PHACTR4: variants seen among roughly 807,000 people sequenced by gnomAD.
The protein encoded by PHACTR4 is protein phosphatase 1, regulatory subunit 124.
PHACTR4 carries 51 observed loss-of-function variants against 72.7 expected under a neutral mutation model. The ratio of observed to expected loss-of-function variants is 0.70; its 90% confidence interval spans 0.56 to 0.89. The LOEUF (loss-of-function observed/expected upper bound fraction) is 0.89. PHACTR4 is among the 40% of genes least tolerant of loss of function. The probability of loss-of-function intolerance (pLI) is 0.00; values close to 1 mark genes in which losing one functional copy is unlikely to be tolerated. For synonymous variants in PHACTR4, 255 were observed against 302.5 expected, an observed-to-expected ratio of 0.84 and a Z score of 1.63; for missense variants, 731 against 861.8, an observed-to-expected ratio of 0.85 and a Z score of 1.90.
At chr1:28,437,306 A>G (rs147437255) in intron 2 of PHACTR4, among the ~76,000 whole-genome samples, 112 of 151,838 alleles carry the variant, frequency 7.4e-4, no homozygotes, top group African/African-American at 2.6e-3. Context: ...ACAGCTCACA[A>G]CTCACCTCCT....
At chr1:28,464,079 C>T (rs1350291085) in intron 4 of PHACTR4, among the ~76,000 whole-genome samples, 2 of 141,720 alleles carry the variant, frequency 1.4e-5, no homozygotes, top group East Asian at 2.0e-4. Context: ...GAGTCTGTTG[C>T]CTCAGCCTCC....
chr1:28,392,700 T>C (rs1653152142), intron 1 of PHACTR4, among the ~76,000 whole-genome samples: 1 of 152,106 alleles, frequency 6.6e-6, no homozygotes, highest in Non-Finnish European at 1.5e-5. Flanking sequence ...GCCAAGAAGC[T>C]ATTAAGTGTA....
At chr1:28,444,782 A>ATTTTTTTTTTTTTTTTT (rs577693546) in intron 2 of PHACTR4, among the ~76,000 whole-genome samples, 84 of 116,664 alleles carry the variant, frequency 7.2e-4, no homozygotes, top group African/African-American at 2.3e-3. Context: ...CACCCAGCTA[A>ATTTTTTTTTTTTTTTTT]TTTTTTTTTT....
chr1:28,490,889 A>C, intron 10 of PHACTR4, 62 bp from the exon 11 acceptor site: 1 of 1,485,576 alleles, frequency 6.7e-7, no homozygotes, highest in South Asian at 1.1e-5. Context: ...AATTACTAAA[A>C]CGTTTGATAT....
At chr1:28,415,383 C>T (rs1403992667) in intron 2 of PHACTR4, among the ~76,000 whole-genome samples, 1 of 152,168 alleles carries the variant, frequency 6.6e-6, no homozygotes, top group African/African-American at 2.4e-5. Context: ...TGATGCTCCA[C>T]ACCCCACTAC....
chr1:28,489,739 T>C (rs1182919146), intron 10 of PHACTR4: 1 of 517,906 alleles, frequency 1.9e-6, no homozygotes, highest in Non-Finnish European at 3.9e-6. Context: ...TGAAATAGCA[T>C]TCTAATCTAG....
At chr1:28,424,405 C>T (rs931554541) in intron 2 of PHACTR4, among the ~76,000 whole-genome samples, 1 of 152,178 alleles carries the variant, frequency 6.6e-6, no homozygotes, top group Non-Finnish European at 1.5e-5. Context: ...AATCTTCCCA[C>T]TTCAGCCTTC....
Position 28,480,560 on chromosome 1 carries a change from G to A in PHACTR4, c.1716G>A (p.Glu572=), listed in dbSNP as rs1660217125. The change falls in exon 9 of 14, where the codon GAG becomes GAA. Residue 572 remains glutamate (E), a synonymous_variant. Transcript: ENST00000373839. The part of the protein sequence containing the change: ...NLNSWPCKSK[E]EWNEIRHQIG... ...ATTCTTGGCCTTGTAAAAGCAAGGAGGAGTGGAATGAAATACGGCACCAGA... is the reference window on the plus strand; with the variant it reads ...ATTCTTGGCCTTGTAAAAGCAAGGAAGAGTGGAATGAAATACGGCACCAGA... 5 of 1,614,092 alleles carry A rather than the reference G, an allele frequency of 3.1e-6. No homozygotes were observed. The highest frequency in any genetic ancestry group is 4.2e-6 in the Non-Finnish European group (5 of 1,180,044).
intron 2 of PHACTR4, chr1:28,457,980 T>A: frequency 2.1e-6 from 1 of 470,104 alleles, no homozygotes; most frequent in Non-Finnish European, 2.8e-6. Flanking sequence ...TCTCTGCCAT[T>A]AAAACTAACT....
chr1:28,391,796 G>A (rs886636682), intron 1 of PHACTR4, among the ~76,000 whole-genome samples: 9 of 151,556 alleles, frequency 5.9e-5, no homozygotes, highest in African/African-American at 1.9e-4. Context: ...TAGTAGAGAC[G>A]GAGTTTCTCC....
intron 2 of PHACTR4, among the ~76,000 whole-genome samples, chr1:28,415,481 C>G (rs749335380): frequency 6.6e-6 from 1 of 152,134 alleles, no homozygotes; most frequent in Non-Finnish European, 1.5e-5. Context: ...AAGAGCATAC[C>G]AGAACAAAAG....
At chr1:28,402,533 C>T (rs1210352729) in intron 1 of PHACTR4, among the ~76,000 whole-genome samples, 1 of 152,104 alleles carries the variant, frequency 6.6e-6, no homozygotes, top group Non-Finnish European at 1.5e-5. Context: ...GGGAGGATCA[C>T]TTGAGGTAAG....
rs1203913044 is a variant in PHACTR4 at position 28,473,606 on chromosome 1, A to C, written c.876A>C (p.Pro292=). The C allele has an allele frequency of 6.2e-7, 1 of 1,613,766 alleles. No homozygotes were observed. The change falls in exon 7 of 14, where the codon CCA becomes CCC. Residue 292 remains proline, a synonymous_variant. Transcript: ENST00000373839. ...GTACATTGTTATCAAAACCGTCCCC[A>C]CCCTTACCACCTAAGAGAGGCATTC... ...NSGTLLSKPS[P]PLPPKRGIPS... is the part of the protein sequence containing the mutation.
chr1:28,444,782 A>ATTTTTTTTTTTT (rs577693546), intron 2 of PHACTR4, among the ~76,000 whole-genome samples: 1 of 116,680 alleles, frequency 8.6e-6, no homozygotes, highest in African/African-American at 3.6e-5. Context: ...CACCCAGCTA[A>ATTTTTTTTTTTT]TTTTTTTTTT....
intron 4 of PHACTR4, among the ~76,000 whole-genome samples, chr1:28,463,414 C>T: frequency 6.6e-6 from 1 of 152,228 alleles, no homozygotes. Context: ...GATTAAGTAA[C>T]TTGAGATAAC....
chr1:28,407,520 C>A, intron 2 of PHACTR4, 57 bp downstream of exon 2: 1 of 1,479,790 alleles, frequency 6.8e-7, no homozygotes, highest in South Asian at 1.2e-5. Flanking sequence ...TCCTCACCTC[C>A]ATTAAAGCTT....
At chr1:28,480,714 AG>A in intron 9 of PHACTR4, 110 bp downstream of exon 9, 1 of 1,425,092 alleles carries the variant, frequency 7.0e-7, no homozygotes, top group Non-Finnish European at 9.7e-7. Flanking sequence ...TTTCTGAGAC[AG>A]GGTCTTGCTC....
intron 2 of PHACTR4, among the ~76,000 whole-genome samples, chr1:28,439,553 T>G (rs1656853423): frequency 6.6e-6 from 1 of 152,216 alleles, no homozygotes; most frequent in African/African-American, 2.4e-5. Context: ...TCACTTTACC[T>G]TGATCACTAG....
intron 6 of PHACTR4, among the ~76,000 whole-genome samples, chr1:28,468,341 A>C (rs534258780): frequency 1.1e-4 from 17 of 152,330 alleles, no homozygotes; most frequent in Non-Finnish European, 2.1e-4. Flanking sequence ...CTGTAATCCC[A>C]GCACTTTGGG....
Sources: gnomAD v4.1 joint callset for allele counts (sites outside exome capture counted in the v4.1 genomes callset) on GRCh38, gnomAD v4.1.1 for gene constraint, MANE v1.5 for transcripts, NCBI Gene and HGNC (gene_info 2026-07-23, HGNC 2026-07-21) for gene names.